The following SLC14A2 variants were observed in gnomAD, a reference collection of about 807,000 sequenced individuals.
The protein encoded by SLC14A2 is urea transporter 2.
Under a neutral mutation model 104.6 loss-of-function variants are expected in SLC14A2, and 91 were observed. The ratio of observed to expected loss-of-function variants is 0.87; its 90% CI spans 0.73 to 1.04. SLC14A2 has a LOEUF of 1.04. Ranked by LOEUF, SLC14A2 falls within the 50% of genes least tolerant of loss-of-function variation. SLC14A2 has a pLI of 0.00. For missense variants in SLC14A2, 1,189 were observed against 1,156.0 expected, an observed-to-expected ratio of 1.03 and a Z score of -0.41; for synonymous variants, 476 against 466.4, an observed-to-expected ratio of 1.02 and a Z score of -0.27.
intron 2 of SLC14A2, among the ~76,000 whole-genome samples, chr18:45,556,614 G>A (rs2044136550): frequency 6.6e-6 from 1 of 152,168 alleles, no homozygotes; most frequent in African/African-American, 2.4e-5. Flanking sequence ...GAAGATAATA[G>A]TAGTTAAATC....
intron 1 of SLC14A2, among the ~76,000 whole-genome samples, chr18:45,332,841 A>G (rs1245542088): frequency 6.6e-6 from 1 of 152,200 alleles, no homozygotes; most frequent in African/African-American, 2.4e-5. Context: ...GGAGAACAAC[A>G]TAAGGGCTTG....
At chr18:45,569,537 C>T (rs2044316815) in intron 2 of SLC14A2, among the ~76,000 whole-genome samples, 1 of 152,142 alleles carries the variant, frequency 6.6e-6, no homozygotes, top group Admixed American at 6.6e-5. Context: ...TCATCCCTGG[C>T]CAGCATTAGC....
At chr18:45,464,452 C>G (rs979409894) in intron 1 of SLC14A2, among the ~76,000 whole-genome samples, 1 of 152,032 alleles carries the variant, frequency 6.6e-6, no homozygotes, top group African/African-American at 2.4e-5. Context: ...GTACTGTCAA[C>G]GTTCAATGAA....
At chr18:45,251,304 C>T (rs1194279793) in intron 1 of SLC14A2, among the ~76,000 whole-genome samples, 1 of 152,186 alleles carries the variant, frequency 6.6e-6, no homozygotes, top group Non-Finnish European at 1.5e-5. Context: ...TGAGTTACTT[C>T]ACTTAGAATA....
chr18:45,318,431 G>A (rs1384158816), intron 1 of SLC14A2, among the ~76,000 whole-genome samples: 1 of 152,156 alleles, frequency 6.6e-6, no homozygotes, highest in Non-Finnish European at 1.5e-5. Flanking sequence ...GACAACTGTT[G>A]TACAGCCCAA....
At chr18:45,581,907 T>G (rs1232580900) in intron 2 of SLC14A2, among the ~76,000 whole-genome samples, 1 of 152,118 alleles carries the variant, frequency 6.6e-6, no homozygotes, top group Non-Finnish European at 1.5e-5. Flanking sequence ...CTCAGCCTGG[T>G]GAATAAGCTC....
intron 2 of SLC14A2, among the ~76,000 whole-genome samples, chr18:45,540,279 C>T (rs1318426619): frequency 3.9e-5 from 6 of 152,076 alleles, no homozygotes; most frequent in Non-Finnish European, 8.8e-5. Flanking sequence ...CTCGGGTCTG[C>T]TCCTGCTGTT....
intron 2 of SLC14A2, among the ~76,000 whole-genome samples, chr18:45,596,855 T>A (rs2044724258): frequency 6.6e-6 from 1 of 152,176 alleles, no homozygotes; most frequent in Non-Finnish European, 1.5e-5. Context: ...CTCACCAAGA[T>A]GACACAAAAA....
At chr18:45,205,346 T>C in the SLC14A2 span, among the ~76,000 whole-genome samples, 1 of 152,378 alleles carries the variant, frequency 6.6e-6, no homozygotes, top group East Asian at 1.9e-4. Context: ...AAGGATGGGC[T>C]GGACTGTTAT....
intron 8 of SLC14A2, among the ~76,000 whole-genome samples, chr18:45,641,732 C>T (rs926823836): frequency 6.6e-6 from 1 of 152,198 alleles, no homozygotes; most frequent in African/African-American, 2.4e-5. Flanking sequence ...CATGAAGCCA[C>T]AGCCTAGCAG....
At chr18:45,377,724 A>C (rs1431665340) in intron 1 of SLC14A2, among the ~76,000 whole-genome samples, 1 of 152,080 alleles carries the variant, frequency 6.6e-6, no homozygotes, top group African/African-American at 2.4e-5. Flanking sequence ...AATCCATCCC[A>C]AACTTCCAGA....
intron 1 of SLC14A2, among the ~76,000 whole-genome samples, chr18:45,330,533 T>C (rs1389287678): frequency 2.0e-5 from 3 of 152,188 alleles, no homozygotes; most frequent in Non-Finnish European, 4.4e-5. Flanking sequence ...CTTTGAGTGA[T>C]AGAGGATATA....
chr18:45,249,216 A>AT (rs1277431320), intron 1 of SLC14A2, among the ~76,000 whole-genome samples: 2 of 151,742 alleles, frequency 1.3e-5, no homozygotes, highest in Non-Finnish European at 2.9e-5. Context: ...ATATAAGTAC[A>AT]TTTTTGGAGA....
chr18:45,254,658 G>A (rs1439756184), intron 1 of SLC14A2, among the ~76,000 whole-genome samples: 1 of 152,112 alleles, frequency 6.6e-6, no homozygotes. Context: ...TGTTTGAGGA[G>A]AGAAATCCTC....
intron 2 of SLC14A2, chr18:45,528,479 G>C (rs754839657): frequency 3.3e-5 from 5 of 152,004 alleles, no homozygotes; most frequent in African/African-American, 1.2e-4. Context: ...ACCCCACAGG[G>C]TCATAAATCA....
intron 1 of SLC14A2, among the ~76,000 whole-genome samples, chr18:45,348,938 G>C (rs1264187371): frequency 6.6e-6 from 1 of 152,194 alleles, no homozygotes; most frequent in Non-Finnish European, 1.5e-5. Flanking sequence ...ATCAGCAGTA[G>C]TTGACCAGAA....
intron 18 of SLC14A2, among the ~76,000 whole-genome samples, chr18:45,678,220 A>G (rs2046257519): frequency 6.6e-6 from 1 of 152,198 alleles, no homozygotes; most frequent in African/African-American, 2.4e-5. Flanking sequence ...CAGTCATATT[A>G]TTTCACCTCT....
In SLC14A2 at chr18:45,669,408, G is replaced by A. The variant is rs142900689; in HGVS notation, c.2139G>A (p.Thr713=). The change falls in exon 16 of 20, where the codon ACG becomes ACA. Residue 713 remains threonine, a synonymous_variant. Coordinates refer to ENST00000255226, the MANE Select transcript of SLC14A2 (RefSeq NM_007163.4). ...NITVTLYLAA[T]GHYNLFFPTT... is the part of the protein sequence containing the mutation. ...CTGTGACTTTGTACCTGGCAGCCAC[G>A]GGCCACTACAACCTTTTCTTCCCCA... 3.1e-5 allele frequency: 50 copies of A among 1,613,602 alleles called. No individual in the cohort carries two copies. The highest frequency in any genetic ancestry group is 2.1e-4 in the African/African-American group (16 of 74,884).
Position 45,682,644 on chromosome 18 carries a change from A to T in SLC14A2, c.*125A>T. The stretch of plus-strand genomic sequence containing the variant: ...GTGACTCTCTCCCCAAACACAAAGA[A>T]GCGTGTATGTAGTCACCATTCCAGA... On this transcript the variant is annotated 3_prime_UTR_variant, in exon 20 of 20. Coordinates refer to ENST00000255226, the MANE Select transcript of SLC14A2 (RefSeq NM_007163.4). The T allele has an allele frequency of 2.7e-6, 2 of 747,412 alleles. No individual in the cohort carries two copies. Among genetic ancestry groups the T allele is most frequent in the Non-Finnish European group, 4.8e-6 (2 of 419,848 alleles). The allele number at this position is 747,412 out of a possible 1,614,324, so 46.3% of individuals were successfully genotyped here. A position where few individuals can be genotyped will look rare whatever the true frequency, so the allele number is the denominator to read the frequency against.
Sources: allele counts gnomAD v4.1 joint callset (sites outside exome capture counted in the v4.1 genomes callset), GRCh38; gene constraint gnomAD v4.1.1; transcripts MANE v1.5; gene names NCBI Gene and HGNC (gene_info 2026-07-23, HGNC 2026-07-21).